The following DDX10 variants were observed in gnomAD, a reference collection of about 807,000 sequenced individuals.
DDX10 encodes DEAD-box helicase 10, also known as probable ATP-dependent RNA helicase DDX10.
Under a neutral mutation model 104.3 loss-of-function variants are expected in DDX10, and 74 were observed. The ratio of observed to expected loss-of-function variants is 0.71; its 90% CI spans 0.59 to 0.86. The LOEUF (loss-of-function observed/expected upper bound fraction) is 0.86. Ranked by LOEUF, DDX10 falls within the 40% of genes least tolerant of loss-of-function variation. The pLI, the probability that DDX10 is intolerant of heterozygous loss-of-function variation, is 0.00. For missense variants in DDX10, 952 were observed against 1,040.0 expected, an observed-to-expected ratio of 0.92 and a Z score of 1.16; for synonymous variants, 351 against 353.4, an observed-to-expected ratio of 0.99 and a Z score of 0.08.
At position 108,754,887 on chromosome 11, in the gene DDX10, T is replaced by A. The variant is rs1047005998; in HGVS notation, c.1965+31425T>A. On this transcript the variant is annotated intron_variant, in intron 13 of 17. Coordinates refer to ENST00000322536, the MANE Select transcript of DDX10 (RefSeq NM_004398.4). The stretch of plus-strand genomic sequence containing the variant: ...GTCAGAACATCAGAAAAGGTTGGAT[T>A]TTCAGACTGATACATTTACATCTGT... Among the ~76,000 whole-genome samples the A allele has an allele frequency of 2.0e-5, 3 of 152,026 alleles. No homozygotes were observed. In the South Asian group the frequency reaches 6.2e-4, roughly 31 times the overall value.
At chr11:108,740,965 T>G (rs1418379361) in intron 13 of DDX10, among the ~76,000 whole-genome samples, 1 of 152,206 alleles carries the variant, frequency 6.6e-6, no homozygotes, top group East Asian at 1.9e-4. Context: ...TAATCTATCT[T>G]GAGTTGATTT....
chr11:108,859,886 T>A (rs563487332), intron 16 of DDX10, among the ~76,000 whole-genome samples: 2 of 152,358 alleles, frequency 1.3e-5, no homozygotes, highest in Admixed American at 6.5e-5. Flanking sequence ...TAGCATTCAT[T>A]AATGGTCTAA....
intron 13 of DDX10, among the ~76,000 whole-genome samples, chr11:108,777,000 G>T (rs1003448993): frequency 6.6e-6 from 1 of 152,212 alleles, no homozygotes; most frequent in African/African-American, 2.4e-5. Flanking sequence ...TGGCCATGCT[G>T]TGCCAGCTTT....
chr11:108,785,007 G>A (rs1053978117), intron 13 of DDX10, among the ~76,000 whole-genome samples: 1 of 152,160 alleles, frequency 6.6e-6, no homozygotes, highest in Non-Finnish European at 1.5e-5. Context: ...TTGTAGGTGT[G>A]TGGGTTTATT....
At chr11:108,893,036 G>A (rs561963134) in intron 16 of DDX10, among the ~76,000 whole-genome samples, 1 of 152,212 alleles carries the variant, frequency 6.6e-6, no homozygotes, top group South Asian at 2.1e-4. Context: ...TATTTTGTGT[G>A]TATGTGTATG....
chr11:108,684,884 A>T (rs1279953618), intron 6 of DDX10, among the ~76,000 whole-genome samples: 1 of 144,272 alleles, frequency 6.9e-6, no homozygotes, highest in Non-Finnish European at 1.5e-5. Context: ...CTTTTTAATG[A>T]TTGCCATTCT....
intron 13 of DDX10, among the ~76,000 whole-genome samples, chr11:108,733,191 C>T (rs2094314393): frequency 6.6e-6 from 1 of 150,450 alleles, no homozygotes; most frequent in Non-Finnish European, 1.5e-5. Context: ...GATTAGCTAA[C>T]TTTGAAGCTT....
At chr11:108,751,148 C>G (rs770597306) in intron 13 of DDX10, among the ~76,000 whole-genome samples, 3 of 151,496 alleles carry the variant, frequency 2.0e-5, no homozygotes, top group Non-Finnish European at 4.4e-5. Flanking sequence ...TTCCTAGTAT[C>G]TCTAGCATTG....
chr11:108,702,899 C>T (rs1416136106), intron 9 of DDX10, among the ~76,000 whole-genome samples: 1 of 152,174 alleles, frequency 6.6e-6, no homozygotes, highest in Non-Finnish European at 1.5e-5. Flanking sequence ...ATTGCTACTT[C>T]CTACTGGTTG....
intron 13 of DDX10, among the ~76,000 whole-genome samples, chr11:108,834,299 CTCCA>C (rs1048991833): frequency 6.6e-6 from 1 of 151,982 alleles, no homozygotes; most frequent in African/African-American, 2.4e-5. Flanking sequence ...CCATCTATCT[CTCCA>C]TCCTTTTTTA....
At chr11:108,757,622 T>A (rs2094345998) in intron 13 of DDX10, among the ~76,000 whole-genome samples, 1 of 152,102 alleles carries the variant, frequency 6.6e-6, no homozygotes, top group Non-Finnish European at 1.5e-5. Flanking sequence ...AGTCTTGTGA[T>A]TACGCTTAGA....
chr11:108,678,647 G>T (rs1168209304), intron 5 of DDX10, among the ~76,000 whole-genome samples: 1 of 152,126 alleles, frequency 6.6e-6, no homozygotes, highest in African/African-American at 2.4e-5. Flanking sequence ...ACGCTTATAT[G>T]TGAAATTAGG....
intron 16 of DDX10, among the ~76,000 whole-genome samples, chr11:108,869,995 GA>G (rs1863058486): frequency 6.6e-6 from 1 of 151,986 alleles, no homozygotes; most frequent in Admixed American, 6.6e-5. Flanking sequence ...ATAACATCTG[GA>G]GTTTAGTTAA....
At chr11:108,674,583 T>C (rs2094221459) in intron 2 of DDX10, among the ~76,000 whole-genome samples, 3 of 151,990 alleles carry the variant, frequency 2.0e-5, no homozygotes. Context: ...TGATCTTAGC[T>C]CACTGCATCC....
chr11:108,702,228 T>A (rs1353851095), intron 9 of DDX10, among the ~76,000 whole-genome samples: 1 of 152,206 alleles, frequency 6.6e-6, no homozygotes, highest in African/African-American at 2.4e-5. Flanking sequence ...ACAAAAATAA[T>A]GCTTACTAAC....
intron 13 of DDX10, among the ~76,000 whole-genome samples, chr11:108,735,466 G>A (rs925891360): frequency 4.6e-5 from 7 of 152,086 alleles, no homozygotes; most frequent in African/African-American, 1.7e-4. Flanking sequence ...GTGGCATGCT[G>A]CAATTTCAGA....
chr11:108,940,287 G>T lies in DDX10; in HGVS notation c.2492G>T (p.Ser831Ile). The T allele has an allele frequency of 1.2e-6, 2 of 1,614,074 alleles. No homozygotes were observed. Among genetic ancestry groups the T allele is most frequent in the Non-Finnish European group, 1.7e-6 (2 of 1,180,010 alleles). Residue 831 changes from serine to isoleucine, a missense_variant, in exon 18 of 18, where the codon AGT becomes ATT. Coordinates refer to ENST00000322536, the MANE Select transcript of DDX10 (RefSeq NM_004398.4). ...CAGGGGATGAAGAAGAGGAGCAACA[G>T]TGAAGTGGAAGACGTGGGACCAACA... is the stretch of plus-strand genomic sequence containing the variant. Reference protein sequence around the residue: ...KKQGMKKRSNSEVEDVGPTSH... With the variant: ...KKQGMKKRSNIEVEDVGPTSH...
intron 13 of DDX10, among the ~76,000 whole-genome samples, chr11:108,797,058 A>G (rs1372965824): frequency 1.3e-5 from 2 of 151,508 alleles, no homozygotes; most frequent in Non-Finnish European, 2.9e-5. Context: ...TTTTTTAGAC[A>G]AGATCTTGCT....
intron 16 of DDX10, among the ~76,000 whole-genome samples, chr11:108,889,595 C>T (rs1565310048): frequency 6.6e-6 from 1 of 152,072 alleles, no homozygotes; most frequent in East Asian, 1.9e-4. Context: ...TACGGATGAC[C>T]ATAATAAATG....
Sources: gnomAD v4.1 joint callset for allele counts (sites outside exome capture counted in the v4.1 genomes callset) on GRCh38, gnomAD v4.1.1 for gene constraint, MANE v1.5 for transcripts, NCBI Gene and HGNC (gene_info 2026-07-23, HGNC 2026-07-21) for gene names.